Variants in MCF2L2 observed in about 807,000 individuals in gnomAD.
The protein encoded by MCF2L2 is probable guanine nucleotide exchange factor MCF2L2.
In MCF2L2, 102 loss-of-function variants were observed where a neutral mutation model predicts 150.2. The observed-to-expected ratio is 0.68, with a 90% confidence interval of 0.58 to 0.80. MCF2L2 has a LOEUF of 0.80. Among genes scored for constraint, MCF2L2 ranks in the 30% least tolerant of loss-of-function variants. MCF2L2 has a pLI of 0.00. For synonymous variants in MCF2L2, 465 were observed against 491.3 expected, an observed-to-expected ratio of 0.95 and a Z score of 0.71; for missense variants, 1,256 against 1,372.8, an observed-to-expected ratio of 0.91 and a Z score of 1.34.
chr3:183,421,256 T>C (rs151284064), intron 1 of MCF2L2, among the ~76,000 whole-genome samples: 2 of 152,358 alleles, frequency 1.3e-5, no homozygotes, highest in East Asian at 3.9e-4. Context: ...TCTGATACTT[T>C]TTCTGCTCCT....
chr3:183,210,785 G>A (rs1289893968), intron 22 of MCF2L2, among the ~76,000 whole-genome samples: 1 of 152,280 alleles, frequency 6.6e-6, no homozygotes, highest in East Asian at 1.9e-4. Flanking sequence ...AGGCAGCAAG[G>A]TTTGTGCTTT....
rs188114634 is a variant in MCF2L2 at position 183,296,466 on chromosome 3, G to C, written c.1497+510C>G. On this transcript the variant is annotated intron_variant, in intron 12 of 29. Transcript: ENST00000328913. Reference sequence around the variant, plus strand: ...TTTGCACATGCTGTTCCTCCTGTCTGGAAAGGCTCTCCCATCTTGTCTATT... The same window carrying C: ...TTTGCACATGCTGTTCCTCCTGTCTCGAAAGGCTCTCCCATCTTGTCTATT... 1.7e-3 allele frequency: 269 copies of C among 158,002 alleles called. 2 individuals carry two copies. Among genetic ancestry groups the C allele is most frequent in the African/African-American group, 6.2e-3 (256 of 41,602 alleles). 9.8% of individuals were successfully genotyped at this position (158,002 alleles called of 1,614,324 possible). A position where few individuals can be genotyped will look rare whatever the true frequency, so the allele number is the denominator to read the frequency against.
rs2108638471 is a variant in MCF2L2 at position 183,197,132 on chromosome 3, A to AAT, written c.2885-1879_2885-1878dup. Among the ~76,000 whole-genome samples the AAT allele has an allele frequency of 6.6e-6, 1 of 152,334 alleles. No individual in the cohort carries two copies. The highest frequency in any genetic ancestry group is 6.5e-5 in the Admixed American group (1 of 15,292). ...TGAGAAGTTGGCAAGCAGATTCTAA[A>AAT]ATATATATAGAAGTATAAAGGACAC... On this transcript the variant is annotated intron_variant, in intron 25 of 29. Coordinates refer to ENST00000328913, the MANE Select transcript of MCF2L2 (RefSeq NM_015078.4). This position sits in a 1 kb window ranked among gnomAD's most constrained non-coding sequence, Gnocchi z 4.5.
intron 12 of MCF2L2, among the ~76,000 whole-genome samples, 178 bp from the exon 13 acceptor site, chr3:183,295,655 A>G (rs1165597102): frequency 6.6e-6 from 1 of 152,022 alleles, no homozygotes; most frequent in African/African-American, 2.4e-5. Flanking sequence ...AGAATTGGGT[A>G]TCTAAGGATT....
At chr3:183,320,729 T>A (rs1325966510) in intron 6 of MCF2L2, among the ~76,000 whole-genome samples, 4 of 152,100 alleles carry the variant, frequency 2.6e-5, no homozygotes, top group African/African-American at 9.7e-5. Context: ...TTCACTGGAG[T>A]AGCATTTTTA....
At chr3:183,306,749 A>G (rs1228587304) in intron 10 of MCF2L2, among the ~76,000 whole-genome samples, 2 of 152,226 alleles carry the variant, frequency 1.3e-5, no homozygotes, top group African/African-American at 4.8e-5. Context: ...AAAATTTCAC[A>G]CATGTACACA....
At chr3:183,243,959 C>T (rs1724141232) in intron 15 of MCF2L2, among the ~76,000 whole-genome samples, 1 of 151,898 alleles carries the variant, frequency 6.6e-6, no homozygotes, top group African/African-American at 2.4e-5. Context: ...CCCATCTCTG[C>T]TAAAAATACA....
intron 7 of MCF2L2, among the ~76,000 whole-genome samples, chr3:183,312,430 G>A (rs902937092): frequency 4.6e-5 from 7 of 152,196 alleles, no homozygotes; most frequent in African/African-American, 1.7e-4. Flanking sequence ...CTTGGACAGT[G>A]CAGGTCATCA....
Position 183,185,903 on chromosome 3 carries a change from A to G in MCF2L2, c.3017-5744T>C, listed in dbSNP as rs527454297. Among the ~76,000 whole-genome samples the G allele has an allele frequency of 5.3e-5, 8 of 152,260 alleles. No homozygotes were observed. The East Asian group carries it at 7.7e-4, about 15-fold the overall frequency. ...TTCCACATGTTGACATTCTCAGGGC[A>G]CATTTTTTTTTTCCCGTGCATTTCT... On this transcript the variant is annotated intron_variant, in intron 27 of 29. Coordinates refer to ENST00000328913, the MANE Select transcript of MCF2L2 (RefSeq NM_015078.4).
chr3:183,263,649 A>AT (rs1333351360), intron 15 of MCF2L2, among the ~76,000 whole-genome samples: 1 of 151,932 alleles, frequency 6.6e-6, no homozygotes, highest in African/African-American at 2.4e-5. Context: ...ACCCACCTGG[A>AT]TCTCTCCAGT....
At chr3:183,257,227 G>A (rs1725123270) in intron 15 of MCF2L2, among the ~76,000 whole-genome samples, 1 of 152,192 alleles carries the variant, frequency 6.6e-6, no homozygotes, top group South Asian at 2.1e-4. Flanking sequence ...TTAGAGACAA[G>A]TCGAGCTCAT....
intron 22 of MCF2L2, among the ~76,000 whole-genome samples, 170 bp downstream of exon 22, chr3:183,215,799 A>T (rs1241474366): frequency 6.6e-6 from 1 of 152,196 alleles, no homozygotes; most frequent in Non-Finnish European, 1.5e-5. Context: ...ATGCCAAGGG[A>T]CAGCTTGGAA....
At chr3:183,258,978 G>A (rs1725337287) in intron 15 of MCF2L2, among the ~76,000 whole-genome samples, 1 of 152,120 alleles carries the variant, frequency 6.6e-6, no homozygotes, top group African/African-American at 2.4e-5. Context: ...ATTGTTTAGT[G>A]CATAATGACA....
intron 15 of MCF2L2, among the ~76,000 whole-genome samples, chr3:183,243,758 G>A (rs1301523319): frequency 6.6e-6 from 1 of 152,294 alleles, no homozygotes; most frequent in East Asian, 1.9e-4. Context: ...AACAGTTCGT[G>A]CCAAGGACTA....
At chr3:183,280,038 AAGG>A (rs1320767986) in intron 14 of MCF2L2, among the ~76,000 whole-genome samples, 2 of 151,138 alleles carry the variant, frequency 1.3e-5, no homozygotes, top group Non-Finnish European at 2.9e-5. Context: ...AAAAAAAAAA[AAGG>A]AGGGGGTGGC....
intron 27 of MCF2L2, among the ~76,000 whole-genome samples, chr3:183,192,429 G>A (rs148651789): frequency 5.9e-5 from 9 of 152,312 alleles, no homozygotes; most frequent in African/African-American, 1.9e-4. Flanking sequence ...GTGAGCCACC[G>A]TGCTTGGCCT....
chr3:183,397,546 G>C (rs1714532008), intron 1 of MCF2L2, among the ~76,000 whole-genome samples: 1 of 152,102 alleles, frequency 6.6e-6, no homozygotes, highest in Non-Finnish European at 1.5e-5. Flanking sequence ...GAATTTTGGA[G>C]GGCCACATAC....
intron 14 of MCF2L2, among the ~76,000 whole-genome samples, chr3:183,284,726 C>G (rs1437354048): frequency 6.6e-6 from 1 of 151,862 alleles, no homozygotes; most frequent in Non-Finnish European, 1.5e-5. Flanking sequence ...AATTTAGATT[C>G]CAGGACCCGA....
At chr3:183,252,683 C>G (rs1156644648) in intron 15 of MCF2L2, among the ~76,000 whole-genome samples, 3 of 152,212 alleles carry the variant, frequency 2.0e-5, no homozygotes, top group South Asian at 4.1e-4. Context: ...ATTCGACAAT[C>G]ATACATTTAA....
Sources: allele counts gnomAD v4.1 joint callset (sites outside exome capture counted in the v4.1 genomes callset), GRCh38; gene constraint gnomAD v4.1.1; non-coding constraint Gnocchi (gnomAD v3.1); transcripts MANE v1.5; gene names NCBI Gene and HGNC (gene_info 2026-07-23, HGNC 2026-07-21).